Variants in CEP170B observed in about 807,000 individuals in gnomAD.
CEP170B encodes the protein centrosomal protein 170B.
Under a neutral mutation model 120.6 loss-of-function variants are expected in CEP170B, and 55 were observed. The ratio of observed to expected loss-of-function variants is 0.46; its 90% confidence interval spans 0.37 to 0.57. The LOEUF (loss-of-function observed/expected upper bound fraction) is 0.57, where lower values mean the gene tolerates loss of function less well. Among genes scored for constraint, CEP170B ranks in the 20% least tolerant of loss-of-function variants. CEP170B has a pLI of 0.00. For missense variants in CEP170B, 2,212 were observed against 2,253.3 expected, an observed-to-expected ratio of 0.98 and a Z score of 0.37; for synonymous variants, 1,033 against 954.5, an observed-to-expected ratio of 1.08 and a Z score of -1.52.
At chr14:104,872,426 T>TGTGG (rs1895601535) in intron 2 of CEP170B, among the ~76,000 whole-genome samples, 1 of 40,422 alleles carries the variant, frequency 2.5e-5, no homozygotes, top group Non-Finnish European at 7.3e-5. Flanking sequence ...GGGTGTGCCG[T>TGTGG]GCGTGTGTGC....
chr14:104,870,462 A>G lies in CEP170B; in HGVS notation c.105+1907A>G, dbSNP rs1367142880. Among the ~76,000 whole-genome samples, 1 of 152,162 alleles carries G rather than the reference A, an allele frequency of 6.6e-6. No homozygotes were observed. Among genetic ancestry groups the G allele is most frequent in the African/African-American group, 2.4e-5 (1 of 41,436 alleles). ...CCCATGGTCTGCGTACAGGGGTGGC[A>G]TCAGTGATGGCCGCGCTGCTCTACC... On this transcript the variant is annotated intron_variant, in intron 2 of 18. Coordinates refer to ENST00000414716, the MANE Select transcript of CEP170B (RefSeq NM_001112726.3). The surrounding 1 kb of genome is among the most constrained non-coding windows in gnomAD (Gnocchi z 4.1).
intron 2 of CEP170B, among the ~76,000 whole-genome samples, chr14:104,872,613 G>A (rs541912016): frequency 2.0e-5 from 3 of 152,256 alleles, no homozygotes; most frequent in South Asian, 2.1e-4. Flanking sequence ...CCGTGAGAGC[G>A]TGTGACAGCT....
At position 104,891,599 on chromosome 14, in the gene CEP170B, A is replaced by G. The variant is rs77650066; in HGVS notation, c.3879-1377A>G. On this transcript the variant is annotated intron_variant, in intron 13 of 18. Transcript: ENST00000414716. The surrounding 1 kb of genome is among the most constrained non-coding windows in gnomAD (Gnocchi z 4.3). ...GGGGAGCATAGGGAAGAAGGCTGCC[A>G]TCAGCGGAGGAGGCTAGCACAGGGC... Among the ~76,000 whole-genome samples the G allele has an allele frequency of 1.3e-5, 2 of 152,142 alleles. No individual in the cohort carries two copies. The highest frequency in any genetic ancestry group is 1.9e-4 in the East Asian group (1 of 5,164).
At position 104,870,119 on chromosome 14, in the gene CEP170B, G is replaced by T. The variant is rs939587994; in HGVS notation, c.105+1564G>T. Among the ~76,000 whole-genome samples, 1 of 152,130 alleles carries T rather than the reference G, an allele frequency of 6.6e-6. No homozygotes were observed. The highest frequency in any genetic ancestry group is 2.4e-5 in the African/African-American group (1 of 41,416). ...GGCAAATGTTTTCTACAAGGGCCTG[G>T]TAAAGATTTTAGGTTTTATGGACCA... On this transcript the variant is annotated intron_variant, in intron 2 of 18. Transcript: ENST00000414716. This position sits in a 1 kb window ranked among gnomAD's most constrained non-coding sequence, Gnocchi z 4.1.
chr14:104,877,319 C>T (rs1210624210), intron 3 of CEP170B, among the ~76,000 whole-genome samples: 2 of 152,196 alleles, frequency 1.3e-5, no homozygotes, highest in Admixed American at 6.5e-5. Context: ...TGCATGGCAC[C>T]GTCCCAGTCC....
At chr14:104,890,976 T>A (rs1231914371) in intron 13 of CEP170B, among the ~76,000 whole-genome samples, 3 of 29,188 alleles carry the variant, frequency 1.0e-4, no homozygotes. Flanking sequence ...TGGGTGGGTG[T>A]GTGGATGGAT....
chr14:104,893,311 T>C (rs946194806), intron 14 of CEP170B, among the ~76,000 whole-genome samples, 176 bp downstream of exon 14: 1 of 152,098 alleles, frequency 6.6e-6, no homozygotes, highest in Admixed American at 6.5e-5. Flanking sequence ...GAGCTCGAGG[T>C]CTGGGGCGCT....
chr14:104,882,838 TCTTGGGGCCAGG>T lies in CEP170B; in HGVS notation c.577+9_577+20del. ...CCAGGGAGAGCCCTACCCAGGTTGG[TCTTGGGGCCAGG>T]CTGGTGAGACCCTGAGGGCTCCCAG... On this transcript the variant is annotated splice_region_variant and intron_variant, in intron 7 of 18. Transcript: ENST00000414716. 1 of 1,610,128 alleles carries T rather than the reference TCTTGGGGCCAGG, an allele frequency of 6.2e-7. No homozygotes were observed. The highest frequency in any genetic ancestry group is 8.5e-7 in the Non-Finnish European group (1 of 1,178,712).
chr14:104,881,089 G>A (rs1187066799), intron 6 of CEP170B, among the ~76,000 whole-genome samples: 1 of 152,210 alleles, frequency 6.6e-6, no homozygotes, highest in African/African-American at 2.4e-5. Flanking sequence ...CATTTGGACT[G>A]GATTCTGCAG....
chr14:104,885,897 G>A lies in CEP170B; in HGVS notation c.1945-143G>A, dbSNP rs370036918. The A allele has an allele frequency of 2.1e-3, 1,642 of 770,164 alleles. 3 individuals are homozygous for A. Among genetic ancestry groups the A allele is most frequent in the Middle Eastern group, 3.9e-3 (16 of 4,142 alleles). 47.7% of individuals were successfully genotyped at this position (770,164 alleles called of 1,614,324 possible). On this transcript the variant is annotated intron_variant, in intron 10 of 18. Transcript: ENST00000414716. The stretch of plus-strand genomic sequence containing the variant: ...TCCCTGGCTGCCTTTGCAGGGGCAC[G>A]CTTGCTCATGCGGCAGGCCCTGGGT...
At position 104,884,516 on chromosome 14, in the gene CEP170B, G is replaced by A. The variant is rs553410536; in HGVS notation, c.1737G>A (p.Thr579=). The A allele has an allele frequency of 1.1e-4, 176 of 1,563,884 alleles. No individual in the cohort carries two copies. The Middle Eastern group carries it at 1.2e-3, about 11-fold the overall frequency. ...TYTIETEAQD[T]EVEEARKMID... Reference sequence around the variant, plus strand: ...CCATCGAGACCGAGGCGCAGGACACGGAGGTGGAGGAGGCCCGGAAGATGA... The same window carrying A: ...CCATCGAGACCGAGGCGCAGGACACAGAGGTGGAGGAGGCCCGGAAGATGA... The change falls in exon 9 of 19, where the codon ACG becomes ACA. Residue 579 remains threonine (T), a synonymous_variant. Transcript: ENST00000414716.
Position 104,865,802 on chromosome 14 carries a change from C to T in CEP170B, c.-28+289C>T, listed in dbSNP as rs547459146. Among the ~76,000 whole-genome samples, 2 of 152,216 alleles carry T rather than the reference C, an allele frequency of 1.3e-5. No individual in the cohort carries two copies. Among genetic ancestry groups the T allele is most frequent in the South Asian group, 2.1e-4 (1 of 4,828 alleles). ...GCACCGGCTCGGCCATGGCCGCCCC[C>T]GGAGAGCGCTGATTCAGAAGGCGCC... On this transcript the variant is annotated intron_variant, in intron 1 of 18. Coordinates refer to ENST00000414716, the MANE Select transcript of CEP170B (RefSeq NM_001112726.3). The surrounding 1 kb of genome is among the most constrained non-coding windows in gnomAD (Gnocchi z 6.7).
chr14:104,871,604 CAG>C (rs1895489709), intron 2 of CEP170B, among the ~76,000 whole-genome samples: 1 of 152,192 alleles, frequency 6.6e-6, no homozygotes, highest in Non-Finnish European at 1.5e-5. Context: ...GCATCCACTG[CAG>C]AGAGGGGCCA....
intron 14 of CEP170B, 59 bp downstream of exon 14, chr14:104,893,194 C>G (rs1490445745): frequency 1.3e-6 from 2 of 1,532,442 alleles, no homozygotes; most frequent in Non-Finnish European, 1.8e-6. Context: ...AGGGTCAGGC[C>G]AGGTCCCCAC....
Position 104,893,657 on chromosome 14 carries a change from C to A in CEP170B, c.4173C>A (p.Asn1391Lys). The A allele has an allele frequency of 6.3e-7, 1 of 1,587,616 alleles. No individual in the cohort carries two copies. The highest frequency in any genetic ancestry group is 8.6e-7 in the Non-Finnish European group (1 of 1,168,142). Residue 1391 changes from asparagine (N) to lysine (K), a missense_variant, in exon 15 of 19, where the codon AAC (asparagine) becomes AAA (lysine). By Grantham distance (94) the Asn-to-Lys change is moderately conservative. Around this residue, in one of 2 missense-constraint regions of CEP170B, gnomAD observed 2,166 missense variants for 2,166.7 expected, o/e 1.00. Transcript: ENST00000414716. The part of the protein sequence containing the change: ...DALANKTRPR[N>K]REEVIFDNLM... ...TGGCCAACAAGACGCGGCCTCGGAA[C>A]CGAGAGGAGGCACGGTGCCCACTAC...
At position 104,870,428 on chromosome 14, in the gene CEP170B, C is replaced by T. The variant is rs2140623130; in HGVS notation, c.105+1873C>T. On this transcript the variant is annotated intron_variant, in intron 2 of 18. Coordinates refer to ENST00000414716, the MANE Select transcript of CEP170B (RefSeq NM_001112726.3). The surrounding 1 kb of genome is among the most constrained non-coding windows in gnomAD (Gnocchi z 4.1). ...CTCATGGGGCCGCAGCTGTATTTGG[C>T]GGGTTGCTCCCATGGTCTGCGTACA... 6.6e-6 allele frequency among the ~76,000 whole-genome samples: 1 copy of T among 152,322 alleles called. No individual in the cohort carries two copies. The highest frequency in any genetic ancestry group is 1.5e-5 in the Non-Finnish European group (1 of 68,016).
At chr14:104,882,253 A>G (rs1566860246) in intron 6 of CEP170B, among the ~76,000 whole-genome samples, 1 of 152,196 alleles carries the variant, frequency 6.6e-6, no homozygotes, top group Non-Finnish European at 1.5e-5. Flanking sequence ...GCCCACCCCC[A>G]GGGCCACCCA....
At chr14:104,888,305 G>C (rs1322304038) in intron 12 of CEP170B, among the ~76,000 whole-genome samples, 1 of 152,226 alleles carries the variant, frequency 6.6e-6, no homozygotes, top group Non-Finnish European at 1.5e-5. Context: ...TCCTGGCTCA[G>C]GCCCCTGGTG....
Position 104,884,283 on chromosome 14 carries a change from G to A in CEP170B, c.1504G>A (p.Asp502Asn). 6.5e-7 allele frequency: 1 copy of A among 1,544,916 alleles called. No individual in the cohort carries two copies. The highest frequency in any genetic ancestry group is 8.7e-7 in the Non-Finnish European group (1 of 1,145,814). The change falls in exon 9 of 19, where the codon GAC becomes AAC. Residue 502 changes from aspartate to asparagine, a missense_variant. Asp to Asn is a conservative substitution (Grantham distance 23). Transcript: ENST00000414716. ...GGGGCGCCGCTCCCGCCTGGCCCAG[G>A]ACTTCATGGCCCAGTGTCTGCGGGA... ...SVGRRSRLAQ[D>N]FMAQCLRESS...
Sources: gnomAD v4.1 joint callset for allele counts (sites outside exome capture counted in the v4.1 genomes callset) on GRCh38, gnomAD v4.1.1 for gene constraint, gnomAD v4.1.1 regional missense constraint, Gnocchi (gnomAD v3.1) non-coding constraint, MANE v1.5 for transcripts, NCBI Gene and HGNC (gene_info 2026-07-23, HGNC 2026-07-21) for gene names.